GPHN: variants seen among roughly 807,000 people sequenced by gnomAD.
The protein encoded by GPHN is gephyrin.
Under a neutral mutation model 95.5 loss-of-function variants are expected in GPHN, and 17 were observed. The observed-to-expected ratio is 0.18, with a 90% confidence interval of 0.12 to 0.27. The LOEUF (loss-of-function observed/expected upper bound fraction) is 0.27. GPHN is among the 10% of genes least tolerant of loss of function. The probability of loss-of-function intolerance (pLI) is 1.00; values close to 1 mark genes in which losing one functional copy is unlikely to be tolerated. For synonymous variants in GPHN, 320 were observed against 322.5 expected (o/e 0.99, Z 0.08); for missense variants, 660 against 978.1 (o/e 0.67, Z 4.34).
intron 2 of GPHN, among the ~76,000 whole-genome samples, chr14:66,687,332 G>T (rs2067441075): frequency 1.3e-5 from 2 of 151,790 alleles, no homozygotes; most frequent in South Asian, 2.1e-4. Flanking sequence ...GCTATTCAGG[G>T]TCTTTTATGG....
the GPHN span, among the ~76,000 whole-genome samples, chr14:67,263,590 A>T: frequency 6.6e-6 from 1 of 152,160 alleles, no homozygotes; most frequent in Non-Finnish European, 1.5e-5. Context: ...AATAATGGCA[A>T]CAGTTAAATG....
At chr14:66,907,158 C>G (rs2065426155) in intron 5 of GPHN, among the ~76,000 whole-genome samples, 1 of 152,034 alleles carries the variant, frequency 6.6e-6, no homozygotes, top group African/African-American at 2.4e-5. Context: ...TCGTAATTGC[C>G]AAAAGTTGGA....
At chr14:67,106,737 G>C (rs978868273) in intron 13 of GPHN, among the ~76,000 whole-genome samples, 23 of 152,078 alleles carry the variant, frequency 1.5e-4, no homozygotes, top group African/African-American at 5.5e-4. Flanking sequence ...TTATCGCTAG[G>C]TTTTGTTTTT....
At chr14:67,613,998 G>A in the GPHN span, 1 of 152,304 alleles carries the variant, frequency 6.6e-6, no homozygotes, top group South Asian at 2.1e-4. Context: ...GCAGTGGCAT[G>A]ATCACAGTTC....
intron 1 of GPHN, among the ~76,000 whole-genome samples, chr14:66,666,211 T>G (rs1280850782): frequency 6.6e-6 from 1 of 151,752 alleles, no homozygotes; most frequent in Non-Finnish European, 1.5e-5. Flanking sequence ...GTAACAAACC[T>G]GCACGTTGTG....
chr14:67,482,543 C>A, the GPHN span, among the ~76,000 whole-genome samples: 1 of 152,214 alleles, frequency 6.6e-6, no homozygotes, highest in African/African-American at 2.4e-5. Context: ...CCCATCACTA[C>A]AGTTCCATGT....
chr14:67,267,295 G>C, the GPHN span, among the ~76,000 whole-genome samples: 4 of 152,022 alleles, frequency 2.6e-5, no homozygotes, highest in East Asian at 5.8e-4. Context: ...TTTCACTCTT[G>C]TCGCCCAGGC....
chr14:66,676,071 G>T (rs2066571338), intron 1 of GPHN, among the ~76,000 whole-genome samples: 1 of 150,448 alleles, frequency 6.6e-6, no homozygotes, highest in Non-Finnish European at 1.5e-5. Flanking sequence ...TATATATATA[G>T]CATAATGGTG....
Position 66,783,170 on chromosome 14 carries a change from G to C in GPHN, c.201+6649G>C, listed in dbSNP as rs141349502. Among the ~76,000 whole-genome samples the C allele has an allele frequency of 1.2e-3, 176 of 152,268 alleles. 1 individual carries two copies. Among genetic ancestry groups the C allele is most frequent in the Admixed American group, 7.1e-3 (108 of 15,296 alleles). ...ACAGCTAAGCACCAATGGAAAAACT[G>C]TTCAGTTCCCTTATAGTTTCAGTTG... On this transcript the variant is annotated intron_variant, in intron 3 of 22. Coordinates refer to ENST00000478722, the MANE Select transcript of GPHN (RefSeq NM_020806.5).
chr14:66,843,530 T>C (rs2062182114), intron 4 of GPHN, among the ~76,000 whole-genome samples: 1 of 152,196 alleles, frequency 6.6e-6, no homozygotes, highest in African/African-American at 2.4e-5. Context: ...ATTAATTTAT[T>C]TGAGATATTG....
intron 21 of GPHN, among the ~76,000 whole-genome samples, chr14:67,173,099 G>A (rs958612505): frequency 1.2e-4 from 18 of 152,152 alleles, no homozygotes; most frequent in African/African-American, 3.9e-4. Flanking sequence ...CAAAGTCACA[G>A]ACCCTGGCTC....
intron 3 of GPHN, among the ~76,000 whole-genome samples, chr14:66,800,614 C>T (rs1013874429): frequency 6.6e-6 from 1 of 151,642 alleles, no homozygotes; most frequent in African/African-American, 2.4e-5. Context: ...CTTTTAAGAT[C>T]CTTTCTTTAT....
intron 4 of GPHN, among the ~76,000 whole-genome samples, chr14:66,855,127 A>G (rs1013297274): frequency 1.3e-5 from 2 of 152,158 alleles, no homozygotes; most frequent in Non-Finnish European, 2.9e-5. Flanking sequence ...GATTATAGGC[A>G]TGAGCCACCG....
the GPHN span, among the ~76,000 whole-genome samples, chr14:67,374,926 A>G: frequency 1.3e-5 from 2 of 152,170 alleles, no homozygotes; most frequent in South Asian, 2.1e-4. Flanking sequence ...TTGATTTTCA[A>G]CCCTGTTCTG....
the GPHN span, chr14:67,572,187 C>T: frequency 1.9e-4 from 313 of 1,608,268 alleles, 1 homozygote; most frequent in East Asian, 4.8e-3. Context: ...TCCCCCCGGA[C>T]GCCTGCTCAC....
the GPHN span, chr14:67,573,271 C>G: frequency 4.4e-6 from 7 of 1,592,314 alleles, no homozygotes; most frequent in South Asian, 7.7e-5. This position sits in a 1 kb window ranked among gnomAD's most constrained non-coding sequence, Gnocchi z 4.8. Context: ...CCTTCCACCC[C>G]TCAGGAGTCA....
chr14:66,669,417 C>T (rs1006175026), intron 1 of GPHN, among the ~76,000 whole-genome samples: 6 of 150,706 alleles, frequency 4.0e-5, no homozygotes, highest in African/African-American at 1.5e-4. Context: ...GAATATTTGG[C>T]CATCATAAAT....
At chr14:66,720,351 C>T (rs1264644626) in intron 2 of GPHN, among the ~76,000 whole-genome samples, 3 of 152,130 alleles carry the variant, frequency 2.0e-5, no homozygotes, top group East Asian at 1.9e-4. Context: ...ACCAAGAGTT[C>T]GAGACCAGCC....
the GPHN span, chr14:67,577,964 T>G: frequency 1.3e-6 from 2 of 1,519,774 alleles, no homozygotes; most frequent in Non-Finnish European, 9.0e-7. Context: ...GCCAAGCCGT[T>G]GAGTTCTCTG....
Sources: allele counts gnomAD v4.1 joint callset (sites outside exome capture counted in the v4.1 genomes callset), GRCh38; gene constraint gnomAD v4.1.1; non-coding constraint Gnocchi (gnomAD v3.1); transcripts MANE v1.5; gene names NCBI Gene and HGNC (gene_info 2026-07-23, HGNC 2026-07-21).